CADPS: variants seen among roughly 807,000 people sequenced by gnomAD.
CADPS encodes the protein calcium-dependent secretion activator 1.
In CADPS, 57 loss-of-function variants were observed where a neutral mutation model predicts 167.3. The observed-to-expected ratio is 0.34, with a 90% confidence interval of 0.28 to 0.42. CADPS has a LOEUF of 0.42. CADPS is among the 20% of genes least tolerant of loss of function. The probability of loss-of-function intolerance (pLI) is 1.00; values close to 1 mark genes in which losing one functional copy is unlikely to be tolerated. For missense variants in CADPS, 1,414 were observed against 1,738.1 expected, an observed-to-expected ratio of 0.81 and a Z score of 3.32; for synonymous variants, 676 against 635.3, an observed-to-expected ratio of 1.06 and a Z score of -0.96.
intron 7 of CADPS, among the ~76,000 whole-genome samples, chr3:62,585,904 C>T (rs1029985151): frequency 2.6e-5 from 4 of 152,208 alleles, no homozygotes; most frequent in Non-Finnish European, 4.4e-5. Context: ...CAACTTTGCC[C>T]GGGCATGGAG....
intron 6 of CADPS, among the ~76,000 whole-genome samples, chr3:62,616,733 C>T (rs140112663): frequency 2.6e-5 from 4 of 152,130 alleles, no homozygotes; most frequent in African/African-American, 4.8e-5. Flanking sequence ...GTCCTGTGAT[C>T]GGGATATGAT....
At chr3:62,814,933 G>A (rs1049941984) in intron 1 of CADPS, among the ~76,000 whole-genome samples, 2 of 152,066 alleles carry the variant, frequency 1.3e-5, no homozygotes, top group Non-Finnish European at 2.9e-5. Context: ...ACTCCATTTT[G>A]ACACAAACTT....
chr3:62,511,996 T>C (rs1340092386), intron 17 of CADPS, among the ~76,000 whole-genome samples: 3 of 152,178 alleles, frequency 2.0e-5, no homozygotes, highest in Admixed American at 6.6e-5. Context: ...CAAATACTTA[T>C]TGCAGCCCTA....
chr3:62,552,275 G>T (rs1388548505), intron 10 of CADPS, among the ~76,000 whole-genome samples: 2 of 151,552 alleles, frequency 1.3e-5, no homozygotes, highest in East Asian at 3.9e-4. Flanking sequence ...TATACCTAAT[G>T]TTAAATGACG....
At chr3:62,530,573 TG>T in intron 13 of CADPS, 2 of 879,414 alleles carry the variant, frequency 2.3e-6, no homozygotes, top group Non-Finnish European at 2.9e-6. Flanking sequence ...CTTGCAAAAG[TG>T]GAAGTGATGG....
chr3:62,745,482 TA>T (rs2081259160), intron 3 of CADPS, among the ~76,000 whole-genome samples: 1 of 152,234 alleles, frequency 6.6e-6, no homozygotes, highest in Non-Finnish European at 1.5e-5. Context: ...TAATGACTTC[TA>T]GGGGCAGTGT....
At chr3:62,518,974 A>C (rs1418514544) in intron 13 of CADPS, among the ~76,000 whole-genome samples, 1 of 152,162 alleles carries the variant, frequency 6.6e-6, no homozygotes, top group East Asian at 1.9e-4. Context: ...AGCTTAAATA[A>C]ATGATTTCAG....
chr3:62,594,157 T>A (rs55920801), intron 6 of CADPS, among the ~76,000 whole-genome samples: 35,889 of 136,308 alleles, frequency 0.26, 5,456 homozygotes, highest in African/African-American at 0.43. Flanking sequence ...TTTTTATTTT[T>A]TTTATTTATT....
At chr3:62,778,498 T>C (rs919253218) in intron 1 of CADPS, among the ~76,000 whole-genome samples, 7 of 152,218 alleles carry the variant, frequency 4.6e-5, no homozygotes, top group African/African-American at 1.7e-4. Context: ...CTCTGATGGC[T>C]CCTTCCAGCC....
At chr3:62,747,008 A>C (rs1286049799) in intron 3 of CADPS, among the ~76,000 whole-genome samples, 1 of 152,220 alleles carries the variant, frequency 6.6e-6, no homozygotes, top group East Asian at 1.9e-4. Flanking sequence ...AGTCATTGAG[A>C]GGTGTGTAGT....
intron 24 of CADPS, chr3:62,473,581 A>G (rs2060885465): frequency 6.6e-6 from 1 of 152,236 alleles, no homozygotes; most frequent in Non-Finnish European, 1.5e-5. Flanking sequence ...TCTCCTTTAC[A>G]TTTTAAATAC....
intron 8 of CADPS, among the ~76,000 whole-genome samples, chr3:62,584,708 T>G (rs758555435): frequency 6.6e-6 from 1 of 152,196 alleles, no homozygotes; most frequent in Non-Finnish European, 1.5e-5. Flanking sequence ...AAATTTTCTA[T>G]TTTTTTCTCA....
chr3:62,412,821 C>G lies in CADPS; in HGVS notation c.3778-9636G>C, dbSNP rs376339628. 1.1e-4 allele frequency among the ~76,000 whole-genome samples: 17 copies of G among 152,134 alleles called. No individual in the cohort carries two copies. Among genetic ancestry groups the G allele is most frequent in the African/African-American group, 4.1e-4 (17 of 41,404 alleles). ...TAATCCAAAGCTTAGCTTATATGAACTATCTAGGGGTCTCTCTCTGGAAGA... is the reference window on the plus strand; with the variant it reads ...TAATCCAAAGCTTAGCTTATATGAAGTATCTAGGGGTCTCTCTCTGGAAGA... On this transcript the variant is annotated intron_variant, in intron 28 of 29. Transcript: ENST00000383710. This position sits in a 1 kb window ranked among gnomAD's most constrained non-coding sequence, Gnocchi z 4.1.
Position 62,465,218 on chromosome 3 carries a change from C to G in CADPS, c.3636+149G>C. 2.0e-6 allele frequency: 1 copy of G among 505,166 alleles called. No homozygotes were observed. The highest frequency in any genetic ancestry group is 3.6e-6 in the Non-Finnish European group (1 of 278,292). 31.3% of individuals were successfully genotyped at this position (505,166 alleles called of 1,614,324 possible). On this transcript the variant is annotated intron_variant, in intron 26 of 29. Transcript: ENST00000383710. The surrounding 1 kb of genome is among the most constrained non-coding windows in gnomAD (Gnocchi z 4.1). ...TTACCTGCTGTTATTAAATGTTTGG[C>G]TTTTCACATAGTGTTAATATTATAC...
Position 62,399,173 on chromosome 3 carries a change from T to G in CADPS, c.*233A>C. ...CTATGTATTCTCCATGAACAGTATTTAAAGAATGGTGCTCCATATTGCTTG... is the reference window on the plus strand; with the variant it reads ...CTATGTATTCTCCATGAACAGTATTGAAAGAATGGTGCTCCATATTGCTTG... On this transcript the variant is annotated 3_prime_UTR_variant, in exon 30 of 30. Coordinates refer to ENST00000383710, the MANE Select transcript of CADPS (RefSeq NM_003716.4). This position sits in a 1 kb window ranked among gnomAD's most constrained non-coding sequence, Gnocchi z 5.6. 6.2e-6 allele frequency: 3 copies of G among 481,072 alleles called. No individual in the cohort carries two copies. Among genetic ancestry groups the G allele is most frequent in the Middle Eastern group, 5.7e-4 (1 of 1,740 alleles). 29.8% of individuals were successfully genotyped at this position (481,072 alleles called of 1,614,324 possible).
chr3:62,445,693 GA>G, intron 27 of CADPS, 71 bp downstream of exon 27: 1 of 998,702 alleles, frequency 1.0e-6, no homozygotes, highest in South Asian at 2.4e-5. Flanking sequence ...AAATTCTCAT[GA>G]AAACAAAAAG....
At chr3:62,662,179 C>A (rs1352722297) in intron 4 of CADPS, 135 bp downstream of exon 4, 3 of 753,330 alleles carry the variant, frequency 4.0e-6, no homozygotes, top group Non-Finnish European at 6.9e-6. Context: ...GCTGAGGGCC[C>A]AATGAGGGTG....
At chr3:62,834,732 A>G (rs762747460) in intron 1 of CADPS, among the ~76,000 whole-genome samples, 2 of 152,094 alleles carry the variant, frequency 1.3e-5, no homozygotes, top group Non-Finnish European at 2.9e-5. Flanking sequence ...ATCAAATTTT[A>G]TTTGCTCCTC....
chr3:62,553,712 A>T (rs1346844553), intron 10 of CADPS, among the ~76,000 whole-genome samples: 1 of 152,228 alleles, frequency 6.6e-6, no homozygotes. Flanking sequence ...GGCTGAGGAC[A>T]CACCAAGGAA....
Sources: allele counts gnomAD v4.1 joint callset (sites outside exome capture counted in the v4.1 genomes callset), GRCh38; gene constraint gnomAD v4.1.1; non-coding constraint Gnocchi (gnomAD v3.1); transcripts MANE v1.5; gene names NCBI Gene and HGNC (gene_info 2026-07-23, HGNC 2026-07-21).